Variants in SEMA6D observed in about 807,000 individuals in gnomAD.
SEMA6D encodes semaphorin-6D.
Under a neutral mutation model 106.6 loss-of-function variants are expected in SEMA6D, and 35 were observed. The ratio of observed to expected loss-of-function variants is 0.33; its 90% CI spans 0.25 to 0.44. SEMA6D has a LOEUF of 0.44. Among genes scored for constraint, SEMA6D ranks in the 20% least tolerant of loss-of-function variants. SEMA6D has a pLI of 1.00. For synonymous variants in SEMA6D, 499 were observed against 487.7 expected (o/e 1.02, Z -0.31); for missense variants, 1,185 against 1,345.9 (o/e 0.88, Z 1.87).
intron 1 of SEMA6D, among the ~76,000 whole-genome samples, chr15:47,744,814 A>G (rs1284821959): frequency 6.6e-6 from 1 of 152,226 alleles, no homozygotes; most frequent in Non-Finnish European, 1.5e-5. Flanking sequence ...AAAACTTAGA[A>G]GTGTGAATTG....
At chr15:47,230,436 C>T (rs1355657568) in intron 1 of SEMA6D, among the ~76,000 whole-genome samples, 1 of 151,988 alleles carries the variant, frequency 6.6e-6, no homozygotes, top group Admixed American at 6.6e-5. Context: ...AATGCATAAA[C>T]ATCACTATAG....
chr15:47,418,941 A>T (rs868100773), intron 2 of SEMA6D, among the ~76,000 whole-genome samples: 7 of 152,182 alleles, frequency 4.6e-5, no homozygotes, highest in Non-Finnish European at 8.8e-5. Flanking sequence ...GCATACAGTG[A>T]TCATCTGATT....
chr15:47,569,313 C>G (rs937043334), intron 3 of SEMA6D, among the ~76,000 whole-genome samples: 1 of 152,152 alleles, frequency 6.6e-6, no homozygotes, highest in Non-Finnish European at 1.5e-5. Flanking sequence ...CTCTCCCTTT[C>G]TGCCCTGCCC....
intron 1 of SEMA6D, among the ~76,000 whole-genome samples, chr15:47,391,639 A>G (rs2040036301): frequency 6.7e-6 from 1 of 149,432 alleles, no homozygotes; most frequent in Non-Finnish European, 1.5e-5. Context: ...GATGAAATTT[A>G]GGGACAGAAA....
chr15:47,551,671 C>CTGTGTGTGTGTGTGTGTGTG (rs1254929717), intron 3 of SEMA6D, among the ~76,000 whole-genome samples: 1 of 4,238 alleles, frequency 2.4e-4, no homozygotes, highest in Admixed American at 2.5e-3. Context: ...ACATCTGGGA[C>CTGTGTGTGTGTGTGTGTGTG]TCTGTGTGTG....
chr15:47,761,749 C>G lies in SEMA6D; in HGVS notation c.536C>G (p.Ala179Gly). The stretch of plus-strand genomic sequence containing the variant: ...AGACAAACCAATGTTGCCCTCTTTG[C>G]TGGTAAGATCCTTTAGCGTAATGAA... ...DARQTNVALFADGKLYSATVA... is the reference protein window; with the variant it reads ...DARQTNVALFGDGKLYSATVA... Residue 179 changes from alanine (A) to glycine (G), a missense_variant and splice_region_variant, in exon 7 of 19, where the codon GCT becomes GGT. Coordinates refer to ENST00000536845, the MANE Select transcript of SEMA6D (RefSeq NM_001358351.3). 1.2e-6 allele frequency: 2 copies of G among 1,606,658 alleles called. No homozygotes were observed. Among genetic ancestry groups the G allele is most frequent in the Non-Finnish European group, 1.7e-6 (2 of 1,175,980 alleles).
At chr15:47,257,182 C>T (rs985058232) in intron 1 of SEMA6D, among the ~76,000 whole-genome samples, 1 of 151,800 alleles carries the variant, frequency 6.6e-6, no homozygotes, top group East Asian at 2.0e-4. Flanking sequence ...CTCAGCCTCC[C>T]AAGTAGCTGG....
intron 3 of SEMA6D, among the ~76,000 whole-genome samples, chr15:47,482,170 A>G (rs1021446827): frequency 6.6e-6 from 1 of 152,182 alleles, no homozygotes; most frequent in African/African-American, 2.4e-5. Flanking sequence ...ATATATTTTG[A>G]CATAATGACA....
At chr15:47,492,948 A>G (rs1363685284) in intron 3 of SEMA6D, among the ~76,000 whole-genome samples, 1 of 152,166 alleles carries the variant, frequency 6.6e-6, no homozygotes, top group Non-Finnish European at 1.5e-5. Context: ...CATATCCGTT[A>G]CCAAGGTCCT....
intron 1 of SEMA6D, among the ~76,000 whole-genome samples, chr15:47,408,072 A>G (rs2040656611): frequency 6.6e-6 from 1 of 152,168 alleles, no homozygotes; most frequent in East Asian, 1.9e-4. Context: ...GCGCTGTCCA[A>G]ATCCCCTTTC....
intron 3 of SEMA6D, among the ~76,000 whole-genome samples, chr15:47,582,859 G>A (rs2076277751): frequency 6.6e-6 from 1 of 152,078 alleles, no homozygotes; most frequent in South Asian, 2.1e-4. Flanking sequence ...TTCCACATCT[G>A]CATAATCCAG....
intron 2 of SEMA6D, among the ~76,000 whole-genome samples, chr15:47,463,704 G>T (rs2042581205): frequency 6.6e-6 from 1 of 152,190 alleles, no homozygotes; most frequent in African/African-American, 2.4e-5. Flanking sequence ...TCCTGTGGCT[G>T]CTGTGACCAG....
intron 18 of SEMA6D, among the ~76,000 whole-genome samples, chr15:47,769,051 T>C (rs1157343028): frequency 2.0e-5 from 3 of 152,192 alleles, no homozygotes; most frequent in Admixed American, 1.3e-4. Context: ...ATTTCGAGGG[T>C]CACCGCAGCA....
At chr15:47,507,354 C>A (rs140311237) in intron 3 of SEMA6D, among the ~76,000 whole-genome samples, 2 of 137,456 alleles carry the variant, frequency 1.5e-5, no homozygotes, top group Admixed American at 7.3e-5. Context: ...CCCCCACCCC[C>A]CCGGGCCTTA....
At chr15:47,278,963 A>G (rs1432032305) in intron 1 of SEMA6D, among the ~76,000 whole-genome samples, 1 of 146,034 alleles carries the variant, frequency 6.8e-6, no homozygotes, top group Non-Finnish European at 1.5e-5. Flanking sequence ...GTTCTGTTCC[A>G]TTGATCTCTA....
At chr15:47,472,484 A>G (rs1290074997) in intron 3 of SEMA6D, among the ~76,000 whole-genome samples, 1 of 152,180 alleles carries the variant, frequency 6.6e-6, no homozygotes, top group Non-Finnish European at 1.5e-5. Flanking sequence ...ATGACCCTAG[A>G]ACTCTATTGG....
At chr15:47,205,900 A>G (rs1183061038) in intron 1 of SEMA6D, among the ~76,000 whole-genome samples, 1 of 151,342 alleles carries the variant, frequency 6.6e-6, no homozygotes, top group African/African-American at 2.4e-5. Flanking sequence ...TAGTAGTTGG[A>G]TAAGTGACTT....
intron 4 of SEMA6D, among the ~76,000 whole-genome samples, chr15:47,612,479 C>G (rs1412645148): frequency 6.6e-6 from 1 of 152,168 alleles, no homozygotes; most frequent in Non-Finnish European, 1.5e-5. Context: ...GTAAGAAGCT[C>G]TTATCCAAAA....
intron 2 of SEMA6D, among the ~76,000 whole-genome samples, chr15:47,425,310 A>G (rs1175040176): frequency 6.6e-6 from 1 of 152,042 alleles, no homozygotes; most frequent in South Asian, 2.1e-4. Context: ...CCCTATCTGC[A>G]GTTGGTGAGT....
Sources: gnomAD v4.1 joint callset for allele counts (sites outside exome capture counted in the v4.1 genomes callset) on GRCh38, gnomAD v4.1.1 for gene constraint, MANE v1.5 for transcripts, NCBI Gene and HGNC (gene_info 2026-07-23, HGNC 2026-07-21) for gene names.